Variants in KIAA0586 observed in about 807,000 individuals in gnomAD.
KIAA0586 encodes the protein KIAA0586.
KIAA0586 carries 144 observed loss-of-function variants against 169.8 expected under a neutral mutation model. The observed-to-expected ratio is 0.85, with a 90% CI of 0.74 to 0.97. The LOEUF (loss-of-function observed/expected upper bound fraction) is 0.97. Among genes scored for constraint, KIAA0586 ranks in the 50% least tolerant of loss-of-function variants. KIAA0586 has a pLI of 0.00. For missense variants in KIAA0586, 1,854 were observed against 1,823.0 expected, an observed-to-expected ratio of 1.02 and a Z score of -0.31; for synonymous variants, 625 against 612.4, an observed-to-expected ratio of 1.02 and a Z score of -0.30.
At chr14:58,508,781 C>A in intron 28 of KIAA0586, 72 bp downstream of exon 28, 4 of 1,181,614 alleles carry the variant, frequency 3.4e-6, no homozygotes, top group African/African-American at 1.5e-5. Context: ...CGTGGTACCC[C>A]GTCAAGAGCC....
At chr14:58,478,376 C>T (rs900045126) in intron 20 of KIAA0586, among the ~76,000 whole-genome samples, 2 of 152,074 alleles carry the variant, frequency 1.3e-5, no homozygotes, top group African/African-American at 2.4e-5. Context: ...GCAGCTACTC[C>T]GGAGGCTGAG....
chr14:58,494,899 A>G (rs1291962010), intron 26 of KIAA0586, among the ~76,000 whole-genome samples: 1 of 152,112 alleles, frequency 6.6e-6, no homozygotes. Flanking sequence ...TTTATGGTTG[A>G]GGGGCAAGCA....
intron 19 of KIAA0586, 60 bp downstream of exon 19, chr14:58,474,857 A>T: frequency 2.5e-6 from 3 of 1,209,098 alleles, no homozygotes; most frequent in Non-Finnish European, 3.4e-6. Flanking sequence ...AATGGAAAGT[A>T]TTAAAATGTG....
chr14:58,477,329 A>G, intron 20 of KIAA0586, 88 bp downstream of exon 20: 2 of 675,796 alleles, frequency 3.0e-6, no homozygotes, highest in South Asian at 3.7e-5. Context: ...GGTCAAGTAA[A>G]TTCTCCAGTA....
At chr14:58,495,900 A>G (rs1173000075) in intron 26 of KIAA0586, among the ~76,000 whole-genome samples, 1 of 152,152 alleles carries the variant, frequency 6.6e-6, no homozygotes, top group Non-Finnish European at 1.5e-5. Flanking sequence ...AGCATTCATA[A>G]TTTAAATAGG....
rs1252019884 is a variant in KIAA0586 at position 58,524,311 on chromosome 14, G to T, written c.4429+11684G>T. On this transcript the variant is annotated intron_variant, in intron 29 of 30. Transcript: ENST00000652326. ...AATTAATAAATTAGAACAGAGAAGT[G>T]ATATAGTCTTATTATGCATATAGGA... is the stretch of plus-strand genomic sequence containing the variant. 3.9e-5 allele frequency among the ~76,000 whole-genome samples: 6 copies of T among 152,098 alleles called. No individual in the cohort carries two copies. The South Asian group carries it at 8.3e-4, about 21-fold the overall frequency.
chr14:58,527,618 T>C (rs994745252), intron 29 of KIAA0586, among the ~76,000 whole-genome samples: 5 of 152,134 alleles, frequency 3.3e-5, no homozygotes, highest in African/African-American at 1.2e-4. Flanking sequence ...GCTTCATAAG[T>C]GAAGGAGAAA....
rs1386960817 is a variant in KIAA0586 at position 58,456,625 on chromosome 14, A to C, written c.1254-77A>C. On this transcript the variant is annotated intron_variant, in intron 9 of 30. Transcript: ENST00000652326. ...CTGTATCAAAGATTTGTGTAATGAA[A>C]TGTTTACTGAATTTACAACAATTTA... The C allele has an allele frequency of 5.4e-6, 4 of 742,136 alleles. No individual in the cohort carries two copies. In the African/African-American group the frequency reaches 7.1e-5, roughly 13 times the overall value. The allele number at this position is 742,136 out of a possible 1,614,324, so 46.0% of individuals were successfully genotyped here.
intron 27 of KIAA0586, among the ~76,000 whole-genome samples, chr14:58,499,653 G>C (rs1762610050): frequency 6.7e-6 from 1 of 149,682 alleles, no homozygotes; most frequent in Admixed American, 6.7e-5. Context: ...CTGCCTCCTG[G>C]GTTCAAGCTA....
At chr14:58,502,577 C>G (rs2043646271) in intron 27 of KIAA0586, among the ~76,000 whole-genome samples, 1 of 151,312 alleles carries the variant, frequency 6.6e-6, no homozygotes, top group Admixed American at 6.6e-5. Flanking sequence ...GCAGGGATCA[C>G]TGGGGGCTAT....
chr14:58,522,779 G>A (rs2045315003), intron 29 of KIAA0586, among the ~76,000 whole-genome samples: 1 of 152,144 alleles, frequency 6.6e-6, no homozygotes, highest in Admixed American at 6.5e-5. Context: ...CTGTCAACTT[G>A]TCACTGTTTT....
Position 58,483,945 on chromosome 14 carries a change from T to C in KIAA0586, c.3144+1233T>C, listed in dbSNP as rs547381210. Among the ~76,000 whole-genome samples, 10 of 152,348 alleles carry C rather than the reference T, an allele frequency of 6.6e-5. No individual in the cohort carries two copies. In the South Asian group the frequency reaches 2.1e-3, roughly 32 times the overall value. ...AAAGATTTGATCTGTAGTTTTGATC[T>C]GTGCTTTATTAGCTCATTGGGAATA... is the stretch of plus-strand genomic sequence containing the variant. On this transcript the variant is annotated intron_variant, in intron 21 of 30. Coordinates refer to ENST00000652326, the MANE Select transcript of KIAA0586 (RefSeq NM_001329943.3).
intron 25 of KIAA0586, among the ~76,000 whole-genome samples, chr14:58,490,943 T>C (rs2042801035): frequency 6.6e-6 from 1 of 152,292 alleles, no homozygotes; most frequent in East Asian, 1.9e-4. Context: ...CCTATGAAAA[T>C]ACTTCATTAA....
chr14:58,528,667 A>G (rs1412369865), intron 29 of KIAA0586, among the ~76,000 whole-genome samples: 1 of 152,242 alleles, frequency 6.6e-6, no homozygotes, highest in Non-Finnish European at 1.5e-5. Flanking sequence ...GAGAACAAAG[A>G]CACAACGTAC....
intron 9 of KIAA0586, among the ~76,000 whole-genome samples, chr14:58,454,416 T>C (rs192883263): frequency 7.2e-5 from 11 of 152,316 alleles, no homozygotes; most frequent in African/African-American, 2.4e-4. Flanking sequence ...GCAGCTCTTT[T>C]AAATCAGATA....
chr14:58,539,913 T>G (rs1473208670), intron 29 of KIAA0586, 158 bp from the exon 30 acceptor site: 1 of 523,296 alleles, frequency 1.9e-6, no homozygotes, highest in Non-Finnish European at 3.4e-6. Flanking sequence ...AACTTCCTTC[T>G]TTACATTCAG....
chr14:58,446,531 G>GTA (rs969907712), intron 6 of KIAA0586, among the ~76,000 whole-genome samples: 32 of 151,688 alleles, frequency 2.1e-4, no homozygotes, highest in African/African-American at 6.8e-4. Context: ...ATGTGTGTGT[G>GTA]TATATATATA....
chr14:58,463,459 C>T (rs1306132405), intron 14 of KIAA0586, among the ~76,000 whole-genome samples: 2 of 152,144 alleles, frequency 1.3e-5, no homozygotes, highest in African/African-American at 4.8e-5. Flanking sequence ...AATAGAATGA[C>T]TATCAGAGAA....
intron 29 of KIAA0586, among the ~76,000 whole-genome samples, chr14:58,519,169 A>G (rs557329968): frequency 8.9e-4 from 135 of 152,272 alleles, no homozygotes; most frequent in African/African-American, 3.1e-3. Flanking sequence ...AGGGGAATAC[A>G]TTTACCAGAG....
Sources: gnomAD v4.1 joint callset for allele counts (sites outside exome capture counted in the v4.1 genomes callset) on GRCh38, gnomAD v4.1.1 for gene constraint, MANE v1.5 for transcripts, NCBI Gene and HGNC (gene_info 2026-07-23, HGNC 2026-07-21) for gene names.